The following ZYG11B variants were observed in gnomAD, a reference collection of about 807,000 sequenced individuals.
The protein encoded by ZYG11B is protein zyg-11 homolog B.
ZYG11B carries 36 observed loss-of-function variants against 82.4 expected under a neutral mutation model. The observed-to-expected ratio is 0.44, with a 90% CI of 0.33 to 0.58. ZYG11B has a LOEUF of 0.58. Ranked by LOEUF, ZYG11B falls within the 20% of genes least tolerant of loss-of-function variation. The probability of loss-of-function intolerance (pLI) is 0.02; values close to 1 mark genes in which losing one functional copy is unlikely to be tolerated. For synonymous variants in ZYG11B, 303 were observed against 312.8 expected (o/e 0.97, Z 0.33); for missense variants, 552 against 895.6 (o/e 0.62, Z 4.90).
chr1:52,815,228 ATGG>A (rs1236245942), intron 12 of ZYG11B, among the ~76,000 whole-genome samples: 1 of 152,162 alleles, frequency 6.6e-6, no homozygotes, highest in Non-Finnish European at 1.5e-5. Context: ...TGGGCCTGGC[ATGG>A]TGGCTCACAC....
At position 52,782,338 on chromosome 1, in the gene ZYG11B, C is replaced by T. The variant is rs933087865; in HGVS notation, c.1092+2345C>T. On this transcript the variant is annotated intron_variant, in intron 4 of 13. Coordinates refer to ENST00000294353, the MANE Select transcript of ZYG11B (RefSeq NM_024646.3). ...AATTCCTGTGCTCAAGTGATTCTCC[C>T]GCTTTGGCCTCCCAAAGTGTTGGGA... 8.6e-5 allele frequency among the ~76,000 whole-genome samples: 13 copies of T among 151,276 alleles called. No homozygotes were observed. The South Asian group carries it at 1.3e-3, about 15-fold the overall frequency.
In ZYG11B at chr1:52,744,493, C is replaced by T. The variant is rs181077975; in HGVS notation, c.31-11965C>T. ...TGTCAGAAGAGCTAGGTAATTTGAC[C>T]ATTGTGATAACACTAGAATTCAACT... On this transcript the variant is annotated intron_variant, in intron 1 of 13. Coordinates refer to ENST00000294353, the MANE Select transcript of ZYG11B (RefSeq NM_024646.3). Among the ~76,000 whole-genome samples the T allele has an allele frequency of 8.4e-3, 1,280 of 152,252 alleles. 21 individuals are homozygous for T. Among genetic ancestry groups the T allele is most frequent in the African/African-American group, 0.03 (1,230 of 41,548 alleles).
Position 52,775,318 on chromosome 1 carries a change from G to A in ZYG11B, c.951+3544G>A, listed in dbSNP as rs753870214. Among the ~76,000 whole-genome samples the A allele has an allele frequency of 3.9e-5, 6 of 151,902 alleles. No individual in the cohort carries two copies. The East Asian group carries it at 7.7e-4, about 20-fold the overall frequency. On this transcript the variant is annotated intron_variant, in intron 3 of 13. Transcript: ENST00000294353. ...GTACATAAATGTTTTTTGGCCAGGC[G>A]TGGTGGCTCATGCCTTTAATCCCAG... is the stretch of plus-strand genomic sequence containing the variant.
At chr1:52,784,596 C>G (rs1009051672) in intron 4 of ZYG11B, among the ~76,000 whole-genome samples, 5 of 152,178 alleles carry the variant, frequency 3.3e-5, no homozygotes, top group Middle Eastern at 3.4e-3. Flanking sequence ...ATAACAGGCA[C>G]CATAAGTAGG....
chr1:52,739,191 T>C (rs1052275163), intron 1 of ZYG11B, among the ~76,000 whole-genome samples: 1 of 151,734 alleles, frequency 6.6e-6, no homozygotes, highest in African/African-American at 2.4e-5. Flanking sequence ...TTCACCATGT[T>C]GGCCATGTGG....
intron 10 of ZYG11B, among the ~76,000 whole-genome samples, chr1:52,805,770 A>G (rs1645137072): frequency 6.6e-6 from 1 of 152,190 alleles, no homozygotes; most frequent in South Asian, 2.1e-4. Flanking sequence ...CAGAGGCTGC[A>G]GTGAACCAAG....
rs140696326 is a variant in ZYG11B, at chr1:52,817,080, G to A, written c.2044+451G>A. ...GCCTCCCAAAGTGCTGGGATTACAG[G>A]CATAAGCCACTGTGCCCGGCCAACT... On this transcript the variant is annotated intron_variant, in intron 13 of 13. Transcript: ENST00000294353. 3.0e-3 allele frequency among the ~76,000 whole-genome samples: 457 copies of A among 152,120 alleles called. 1 individual carries two copies. Among genetic ancestry groups the A allele is most frequent in the Non-Finnish European group, 5.3e-3 (363 of 67,986 alleles).
intron 2 of ZYG11B, among the ~76,000 whole-genome samples, chr1:52,761,328 G>C (rs1225341821): frequency 6.6e-6 from 1 of 152,134 alleles, no homozygotes; most frequent in Non-Finnish European, 1.5e-5. Context: ...ATCAATCTCT[G>C]CCTATCCTCC....
intron 1 of ZYG11B, among the ~76,000 whole-genome samples, chr1:52,738,692 C>T (rs1558116597): frequency 6.6e-6 from 1 of 151,620 alleles, no homozygotes; most frequent in Non-Finnish European, 1.5e-5. Flanking sequence ...CAACCACTGC[C>T]TCCCCACAAC....
intron 1 of ZYG11B, among the ~76,000 whole-genome samples, chr1:52,743,402 T>TAAAAAAAAAAAAAA (rs71044414): frequency 2.3e-4 from 16 of 69,094 alleles, no homozygotes; most frequent in Non-Finnish European, 3.1e-4. Context: ...CAATAAATAC[T>TAAAAAAAAAAAAAA]AAAAAAAAAA....
At chr1:52,802,059 C>T in intron 9 of ZYG11B, 33 bp from the exon 10 acceptor site, 2 of 1,585,464 alleles carry the variant, frequency 1.3e-6, no homozygotes, top group Non-Finnish European at 1.7e-6. Context: ...TTTGGTTCTT[C>T]AGGTAATTAT....
chr1:52,797,468 T>TATTATATATGATATATAATATA (rs1553262205), intron 8 of ZYG11B, among the ~76,000 whole-genome samples: 4 of 110,562 alleles, frequency 3.6e-5, no homozygotes, highest in African/African-American at 1.4e-4. Context: ...ATGATATATA[T>TATTATATATGATATATAATATA]ATTATATATG....
At chr1:52,804,947 C>T (rs1292596122) in intron 10 of ZYG11B, among the ~76,000 whole-genome samples, 16 of 151,592 alleles carry the variant, frequency 1.1e-4, no homozygotes, top group East Asian at 3.9e-4. Context: ...CAAAATTAGC[C>T]GGGCGTGGTG....
Position 52,758,184 on chromosome 1 carries a change from G to A in ZYG11B, c.196+1561G>A, listed in dbSNP as rs528123829. 1.0e-4 allele frequency among the ~76,000 whole-genome samples: 14 copies of A among 133,396 alleles called. No individual in the cohort carries two copies. The East Asian group carries it at 3.1e-3, about 29-fold the overall frequency. The allele number at this position is 133,396 out of a possible 152,430, so 87.5% of individuals were successfully genotyped here. A position where few individuals can be genotyped will look rare whatever the true frequency, so the allele number is the denominator to read the frequency against. On this transcript the variant is annotated intron_variant, in intron 2 of 13. Transcript: ENST00000294353. ...ACTGCACACCTGGCTGGGCGACAGAGCAAGACTCTGTCTCAAAAAAAAAAA... is the reference window on the plus strand; with the variant it reads ...ACTGCACACCTGGCTGGGCGACAGAACAAGACTCTGTCTCAAAAAAAAAAA...
intron 3 of ZYG11B, chr1:52,772,652 G>T (rs12563825): frequency 0.34 from 281,062 of 834,402 alleles, 50,855 homozygotes; most frequent in Admixed American, 0.47. Flanking sequence ...GACCCATGAT[G>T]GCGGCGATCA....
At chr1:52,785,843 AC>A (rs1391759995) in intron 5 of ZYG11B, among the ~76,000 whole-genome samples, 1 of 152,204 alleles carries the variant, frequency 6.6e-6, no homozygotes, top group Non-Finnish European at 1.5e-5. Context: ...ATGGCAAGCC[AC>A]ATTGGTGAGT....
At chr1:52,814,009 C>T (rs1011094991) in intron 12 of ZYG11B, 97 bp downstream of exon 12, 122 of 1,109,502 alleles carry the variant, frequency 1.1e-4, no homozygotes, top group Non-Finnish European at 1.4e-4. Context: ...CCCTCAGGCA[C>T]CTCAATATTG....
chr1:52,758,029 G>A (rs1422744260), intron 2 of ZYG11B, among the ~76,000 whole-genome samples: 1 of 151,566 alleles, frequency 6.6e-6, no homozygotes, highest in African/African-American at 2.4e-5. Context: ...GTGAAACCCC[G>A]TCTTTACTAA....
intron 1 of ZYG11B, among the ~76,000 whole-genome samples, chr1:52,748,479 AC>A (rs1254804782): frequency 6.6e-6 from 1 of 152,248 alleles, no homozygotes; most frequent in Non-Finnish European, 1.5e-5. Flanking sequence ...TGTTAATGGT[AC>A]AATTTAATTT....
Sources: allele counts gnomAD v4.1 joint callset (sites outside exome capture counted in the v4.1 genomes callset), GRCh38; gene constraint gnomAD v4.1.1; transcripts MANE v1.5; gene names NCBI Gene and HGNC (gene_info 2026-07-23, HGNC 2026-07-21).